The following MARCO variants were observed in gnomAD, a reference collection of about 807,000 sequenced individuals.
MARCO encodes macrophage receptor MARCO.
A neutral mutation model predicts 70.0 loss-of-function variants in MARCO; 72 were observed. The ratio of observed to expected loss-of-function variants is 1.03; its 90% CI spans 0.85 to 1.25. MARCO has a LOEUF of 1.25. Among genes scored for constraint, MARCO ranks in the 50% most tolerant of loss-of-function variants. The probability of loss-of-function intolerance (pLI) is 0.00; values close to 1 mark genes in which losing one functional copy is unlikely to be tolerated. For missense variants in MARCO, 696 were observed against 659.3 expected (o/e 1.06, Z -0.61); for synonymous variants, 273 against 243.1 (o/e 1.12, Z -1.14).
chr2:118,972,276 C>G (rs544599897), intron 4 of MARCO, among the ~76,000 whole-genome samples: 1 of 152,346 alleles, frequency 6.6e-6, no homozygotes, highest in African/African-American at 2.4e-5. Context: ...CAGCCCTGTT[C>G]CATTTCATCT....
At chr2:118,943,710 A>G (rs898704460) in intron 1 of MARCO, among the ~76,000 whole-genome samples, 2 of 152,224 alleles carry the variant, frequency 1.3e-5, no homozygotes, top group Non-Finnish European at 2.9e-5. Context: ...GGTGGGCGCC[A>G]CATGTTTGTA....
chr2:118,990,771 C>T, intron 13 of MARCO, 138 bp downstream of exon 13: 1 of 794,836 alleles, frequency 1.3e-6, no homozygotes, highest in South Asian at 1.8e-5. Context: ...AGGGCTCTGT[C>T]ACTCAAGCCT....
chr2:118,990,953 C>T (rs542415526), intron 13 of MARCO, among the ~76,000 whole-genome samples: 11 of 152,308 alleles, frequency 7.2e-5, no homozygotes, highest in African/African-American at 2.4e-4. Flanking sequence ...CGCCATGGAG[C>T]TGTGCCCCTT....
At chr2:118,986,686 AAAG>A (rs1680509484) in intron 12 of MARCO, among the ~76,000 whole-genome samples, 4 of 69,144 alleles carry the variant, frequency 5.8e-5, no homozygotes, top group South Asian at 5.3e-4. Context: ...AGAAAGAAAG[AAAG>A]AAAGAAAGAA....
Position 118,993,281 on chromosome 2 carries a change from C to A in MARCO, c.1410C>A (p.Ala470=), listed in dbSNP as rs758154365. 2 of 1,613,926 alleles carry A rather than the reference C, an allele frequency of 1.2e-6. No individual in the cohort carries two copies. Among genetic ancestry groups the A allele is most frequent in the Non-Finnish European group, 1.7e-6 (2 of 1,180,030 alleles). The stretch of plus-strand genomic sequence containing the variant: ...TGCTGGGTTACTCCAAAGGAAGGGC[C>A]CTGTACAAAGTGGGAGCTGGTAAGT... ...CRMLGYSKGR[A]LYKVGAGTGQ... is the part of the protein sequence containing the mutation. The change falls in exon 16 of 17, where the codon GCC becomes GCA. Residue 470 remains alanine, a synonymous_variant. Coordinates refer to ENST00000327097, the MANE Select transcript of MARCO (RefSeq NM_006770.4).
intron 1 of MARCO, among the ~76,000 whole-genome samples, chr2:118,945,823 G>A (rs1679587420): frequency 6.6e-6 from 1 of 152,144 alleles, no homozygotes; most frequent in Admixed American, 6.5e-5. Flanking sequence ...AGGTAGAAAA[G>A]TTAGGGTTTT....
At chr2:118,978,241 C>A (rs1320522431) in intron 8 of MARCO, among the ~76,000 whole-genome samples, 1 of 152,146 alleles carries the variant, frequency 6.6e-6, no homozygotes, top group Non-Finnish European at 1.5e-5. Context: ...GGAAGCAGGG[C>A]AGACTGACTG....
intron 12 of MARCO, among the ~76,000 whole-genome samples, chr2:118,989,687 G>T (rs1205321796): frequency 1.3e-5 from 2 of 152,200 alleles, no homozygotes; most frequent in African/African-American, 2.4e-5. Context: ...CAACTGCAAG[G>T]AGGTTGACTG....
Position 118,942,294 on chromosome 2 carries a change from C to A in MARCO, c.-7C>A. 6.2e-7 allele frequency: 1 copy of A among 1,601,468 alleles called. No individual in the cohort carries two copies. The highest frequency in any genetic ancestry group is 1.3e-5 in the African/African-American group (1 of 74,792). ...TCCAGGACTTTGGCCATCTATAAAGCTTGGCAATGAGAAATAAGAAAATTC... is the reference window on the plus strand; with the variant it reads ...TCCAGGACTTTGGCCATCTATAAAGATTGGCAATGAGAAATAAGAAAATTC... On this transcript the variant is annotated 5_prime_UTR_variant, in exon 1 of 17. Transcript: ENST00000327097.
At chr2:118,971,475 C>T (rs775003329) in intron 3 of MARCO, 24 bp from the exon 4 acceptor site, 5 of 1,613,666 alleles carry the variant, frequency 3.1e-6, no homozygotes, top group Non-Finnish European at 4.2e-6. Context: ...AGCTCAGCTG[C>T]AGCTCACTCT....
chr2:118,990,645 G>A lies in MARCO; in HGVS notation c.1108+12G>A, dbSNP rs935486896. ...ATCAGGAGTTCCAGGTAAAGGGCAG[G>A]CTGCATCTTCATCCCTCGGAGTGAT... On this transcript the variant is annotated intron_variant, in intron 13 of 16. Transcript: ENST00000327097. The A allele has an allele frequency of 4.3e-6, 7 of 1,612,060 alleles. No individual in the cohort carries two copies. The highest frequency in any genetic ancestry group is 5.9e-6 in the Non-Finnish European group (7 of 1,178,886).
Position 118,954,843 on chromosome 2 carries a change from G to A in MARCO, c.97+12446G>A, listed in dbSNP as rs181113706. ...AAAATCACTGCAGTTTGACTCACAG[G>A]AAGCCACATCCACAGGAAAACAGGA... is the stretch of plus-strand genomic sequence containing the variant. On this transcript the variant is annotated intron_variant, in intron 1 of 16. Transcript: ENST00000327097. Among the ~76,000 whole-genome samples, 374 of 152,220 alleles carry A rather than the reference G, an allele frequency of 2.5e-3. 3 individuals carry two copies. Among genetic ancestry groups the A allele is most frequent in the African/African-American group, 8.7e-3 (361 of 41,534 alleles).
chr2:118,942,297 G>T lies in MARCO; in HGVS notation c.-4G>T, dbSNP rs183092644. On this transcript the variant is annotated 5_prime_UTR_variant, in exon 1 of 17. Transcript: ENST00000327097. Reference sequence around the variant, plus strand: ...AGGACTTTGGCCATCTATAAAGCTTGGCAATGAGAAATAAGAAAATTCTCA... The same window carrying T: ...AGGACTTTGGCCATCTATAAAGCTTTGCAATGAGAAATAAGAAAATTCTCA... The T allele has an allele frequency of 6.2e-7, 1 of 1,607,066 alleles. No homozygotes were observed. The highest frequency in any genetic ancestry group is 1.7e-5 in the Admixed American group (1 of 60,000).
At chr2:118,964,982 C>T (rs1160217950) in intron 1 of MARCO, among the ~76,000 whole-genome samples, 1 of 149,774 alleles carries the variant, frequency 6.7e-6, no homozygotes, top group East Asian at 1.9e-4. Flanking sequence ...GTTTAATTTT[C>T]TCTGCCTTTT....
intron 1 of MARCO, among the ~76,000 whole-genome samples, chr2:118,958,490 G>T (rs1300344800): frequency 2.0e-5 from 3 of 151,238 alleles, no homozygotes; most frequent in Non-Finnish European, 4.4e-5. Context: ...ACAAAACACT[G>T]CTGAAAGAAT....
At chr2:118,969,077 C>A in intron 1 of MARCO, 83 bp from the exon 2 acceptor site, 1 of 965,892 alleles carries the variant, frequency 1.0e-6, no homozygotes, top group Non-Finnish European at 1.7e-6. Flanking sequence ...CCCCTGCTCA[C>A]ATGGAGTAGG....
chr2:118,993,270 A>G lies in MARCO; in HGVS notation c.1399A>G (p.Lys467Glu). 1 of 1,614,164 alleles carries G rather than the reference A, an allele frequency of 6.2e-7. No homozygotes were observed. The highest frequency in any genetic ancestry group is 1.1e-5 in the South Asian group (1 of 91,084). ...CTTCTGCCGCATGCTGGGTTACTCCAAAGGAAGGGCCCTGTACAAAGTGGG... is the reference window on the plus strand; with the variant it reads ...CTTCTGCCGCATGCTGGGTTACTCCGAAGGAAGGGCCCTGTACAAAGTGGG... ...IVFCRMLGYS[K>E]GRALYKVGAG... Residue 467 changes from lysine to glutamate, a missense_variant, in exon 16 of 17, where the codon AAA (lysine) becomes GAA (glutamate). By Grantham distance (56) the Lys-to-Glu change is moderately conservative. Around this residue, in one of 3 missense-constraint regions of MARCO, gnomAD observed 33 missense variants for 59.6 expected, o/e 0.55. Coordinates refer to ENST00000327097, the MANE Select transcript of MARCO (RefSeq NM_006770.4).
At chr2:118,956,750 T>C (rs1679845597) in intron 1 of MARCO, among the ~76,000 whole-genome samples, 1 of 152,078 alleles carries the variant, frequency 6.6e-6, no homozygotes, top group Non-Finnish European at 1.5e-5. Flanking sequence ...GGCCATAAAA[T>C]GACCCTCAAT....
intron 3 of MARCO, among the ~76,000 whole-genome samples, chr2:118,971,018 G>T (rs1272440983): frequency 6.6e-6 from 1 of 152,204 alleles, no homozygotes; most frequent in Non-Finnish European, 1.5e-5. Flanking sequence ...ACGGGACCCA[G>T]GAGGCCAATC....
Sources: allele counts gnomAD v4.1 joint callset (sites outside exome capture counted in the v4.1 genomes callset), GRCh38; gene constraint gnomAD v4.1.1; regional missense constraint gnomAD v4.1.1; transcripts MANE v1.5; gene names NCBI Gene and HGNC (gene_info 2026-07-23, HGNC 2026-07-21).